Variants in CDH18 observed in about 807,000 individuals in gnomAD.
CDH18 encodes the protein cadherin 18.
CDH18 carries 31 observed loss-of-function variants against 67.9 expected under a neutral mutation model. The ratio of observed to expected loss-of-function variants is 0.46; its 90% CI spans 0.34 to 0.62. The LOEUF (loss-of-function observed/expected upper bound fraction) is 0.62. CDH18 is among the 20% of genes least tolerant of loss of function. The pLI is 0.01. For missense variants in CDH18, 890 were observed against 975.5 expected, an observed-to-expected ratio of 0.91 and a Z score of 1.17; for synonymous variants, 362 against 347.2, an observed-to-expected ratio of 1.04 and a Z score of -0.48.
At chr5:19,741,238 CAT>C (rs36148582) in intron 4 of CDH18, among the ~76,000 whole-genome samples, 95,307 of 142,060 alleles carry the variant, frequency 0.67, 36,222 homozygotes, top group Non-Finnish European at 0.85. Context: ...TATATATGTA[CAT>C]ATATGTATGT....
chr5:19,634,170 T>C (rs1027492882), intron 5 of CDH18, among the ~76,000 whole-genome samples: 1 of 152,254 alleles, frequency 6.6e-6, no homozygotes, highest in Non-Finnish European at 1.5e-5. Flanking sequence ...CATGAAGCTA[T>C]GTTTGCAGAA....
chr5:20,158,582 T>C (rs1325105168), intron 2 of CDH18: 2 of 154,628 alleles, frequency 1.3e-5, no homozygotes, highest in Non-Finnish European at 2.9e-5. Flanking sequence ...AATTCATTTT[T>C]TGTATTCCTT....
chr5:20,128,159 G>T (rs890571026), intron 2 of CDH18, among the ~76,000 whole-genome samples: 1 of 151,822 alleles, frequency 6.6e-6, no homozygotes, highest in African/African-American at 2.4e-5. Flanking sequence ...AGTCTGTATC[G>T]CTAAACAGCC....
intron 3 of CDH18, among the ~76,000 whole-genome samples, chr5:19,761,854 A>G (rs1002867893): frequency 2.0e-5 from 3 of 152,214 alleles, no homozygotes; most frequent in Non-Finnish European, 4.4e-5. Context: ...CTACAAGGCT[A>G]CAGTAACCAA....
chr5:20,479,408 T>C (rs774575740), intron 1 of CDH18, among the ~76,000 whole-genome samples: 6 of 152,064 alleles, frequency 3.9e-5, no homozygotes, highest in Admixed American at 6.6e-5. Context: ...TCAGACAAAT[T>C]TACAAAGAGA....
chr5:19,861,786 T>C (rs1784938637), intron 2 of CDH18, among the ~76,000 whole-genome samples: 1 of 152,124 alleles, frequency 6.6e-6, no homozygotes, highest in Admixed American at 6.6e-5. Context: ...TATTAAGTTG[T>C]GGAAAATTTC....
chr5:19,968,307 C>A (rs888722858), intron 2 of CDH18, among the ~76,000 whole-genome samples: 20 of 152,104 alleles, frequency 1.3e-4, no homozygotes, highest in African/African-American at 4.8e-4. Flanking sequence ...CATCAAGCTA[C>A]CAATGACTTT....
In CDH18 at chr5:20,254,889, T is replaced by TA. The variant is rs34130296; in HGVS notation, c.-518+554dup. 6.7e-5 allele frequency among the ~76,000 whole-genome samples: 10 copies of TA among 148,916 alleles called. No homozygotes were observed. In the Middle Eastern group the frequency reaches 0.01, roughly 155 times the overall value. ...AGGTGCCCATTAATGAAAGATCGGA[T>TA]AAAAAAAAAATGTGGTACATATACA... is the stretch of plus-strand genomic sequence containing the variant. On this transcript the variant is annotated intron_variant, in intron 2 of 14. Transcript: ENST00000507958.
At chr5:19,475,657 T>G (rs1223204231) in intron 12 of CDH18, among the ~76,000 whole-genome samples, 1 of 152,036 alleles carries the variant, frequency 6.6e-6, no homozygotes, top group Non-Finnish European at 1.5e-5. Flanking sequence ...GTTCCAAATA[T>G]TATTATATTA....
chr5:20,557,640 A>G (rs576519419), intron 1 of CDH18, among the ~76,000 whole-genome samples: 59 of 151,970 alleles, frequency 3.9e-4, no homozygotes, highest in Middle Eastern at 3.4e-3. Flanking sequence ...CCATAGGGGG[A>G]AAAAGGTTTA....
intron 3 of CDH18, among the ~76,000 whole-genome samples, chr5:19,747,528 A>T (rs1217276095): frequency 1.3e-5 from 2 of 152,078 alleles, no homozygotes; most frequent in South Asian, 2.1e-4. Context: ...CTAAATCCAC[A>T]TTCCACTAAC....
chr5:19,482,949 G>T (rs1739712611), intron 12 of CDH18, among the ~76,000 whole-genome samples: 1 of 151,832 alleles, frequency 6.6e-6, no homozygotes, highest in Non-Finnish European at 1.5e-5. Flanking sequence ...AGCGGGCTGG[G>T]GTCTTGGTCA....
At chr5:20,554,567 G>T (rs1407610758) in intron 1 of CDH18, among the ~76,000 whole-genome samples, 1 of 152,068 alleles carries the variant, frequency 6.6e-6, no homozygotes, top group Non-Finnish European at 1.5e-5. Flanking sequence ...CTCCATCAAT[G>T]ATTACACATT....
chr5:19,839,847 C>T (rs983901124), intron 2 of CDH18, among the ~76,000 whole-genome samples: 1 of 151,948 alleles, frequency 6.6e-6, no homozygotes, highest in Non-Finnish European at 1.5e-5. Context: ...TTGGGAATTA[C>T]ATTACTAGGC....
chr5:19,978,983 A>G (rs142255708), intron 2 of CDH18, among the ~76,000 whole-genome samples: 3 of 152,304 alleles, frequency 2.0e-5, no homozygotes, highest in African/African-American at 7.2e-5. Flanking sequence ...CTACCATGCT[A>G]GCATTCAAGG....
At chr5:20,054,909 T>G (rs1353354284) in intron 2 of CDH18, among the ~76,000 whole-genome samples, 1 of 152,136 alleles carries the variant, frequency 6.6e-6, no homozygotes, top group Non-Finnish European at 1.5e-5. Context: ...TGTGACTATC[T>G]AAGACTGAGG....
At chr5:20,390,347 T>G (rs1184659227) in intron 1 of CDH18, among the ~76,000 whole-genome samples, 1 of 152,112 alleles carries the variant, frequency 6.6e-6, no homozygotes, top group Non-Finnish European at 1.5e-5. Context: ...CAGACACTTC[T>G]CAAAGGAGAG....
chr5:20,233,767 C>T (rs1330951018), intron 2 of CDH18, among the ~76,000 whole-genome samples: 1 of 152,044 alleles, frequency 6.6e-6, no homozygotes. Context: ...TAATCTGAAA[C>T]ATCTTAGTGA....
At chr5:19,584,325 CT>C (rs1379713999) in intron 7 of CDH18, among the ~76,000 whole-genome samples, 3 of 152,134 alleles carry the variant, frequency 2.0e-5, no homozygotes, top group Admixed American at 2.0e-4. Context: ...GCAGACAGTC[CT>C]GCTGGCGGAT....
Sources: gnomAD v4.1 joint callset for allele counts (sites outside exome capture counted in the v4.1 genomes callset) on GRCh38, gnomAD v4.1.1 for gene constraint, MANE v1.5 for transcripts, NCBI Gene and HGNC (gene_info 2026-07-23, HGNC 2026-07-21) for gene names.